Variants in NPM1 observed in about 807,000 individuals in gnomAD.
NPM1 encodes the protein nucleophosmin.
In NPM1, 1 loss-of-function variant was observed where a neutral mutation model predicts 44.1. That is an observed-to-expected ratio of 0.02 (90% CI 0.01 to 0.11). NPM1 has a LOEUF of 0.11. Among genes scored for constraint, NPM1 ranks in the 10% least tolerant of loss-of-function variants. The pLI is 1.00. For missense variants in NPM1, 197 were observed against 347.8 expected (o/e 0.57, Z 3.45); for synonymous variants, 126 against 111.8 (o/e 1.13, Z -0.80).
rs180887715 is a variant in NPM1, at chr5:171,387,885, T to A, written c.-64T>A. 2 of 1,509,242 alleles carry A rather than the reference T, an allele frequency of 1.3e-6. No homozygotes were observed. Among genetic ancestry groups the A allele is most frequent in the Non-Finnish European group, 1.8e-6 (2 of 1,087,296 alleles). 93.5% of individuals were successfully genotyped at this position (1,509,242 alleles called of 1,614,324 possible). A position where few individuals can be genotyped will look rare whatever the true frequency, so the allele number is the denominator to read the frequency against. ...GTGATTCCGTCCTGCGCGGTTGTTC[T>A]CTGGAGCAGCGTTCTTTTATCTCCG... On this transcript the variant is annotated 5_prime_UTR_variant, in exon 1 of 11. Transcript: ENST00000296930.
intron 6 of NPM1, among the ~76,000 whole-genome samples, chr5:171,398,942 C>G (rs930014265): frequency 1.3e-5 from 2 of 151,080 alleles, no homozygotes; most frequent in Non-Finnish European, 3.0e-5. Flanking sequence ...TCACTGCAAC[C>G]TCCGCCTCCT....
At chr5:171,393,306 T>C (rs1017453070) in intron 6 of NPM1, among the ~76,000 whole-genome samples, 1 of 152,240 alleles carries the variant, frequency 6.6e-6, no homozygotes, top group African/African-American at 2.4e-5. Flanking sequence ...GTATGTTTTA[T>C]GGTGAGCAGT....
At chr5:171,406,758 T>C (rs1312436679) in intron 9 of NPM1, 1 of 1,075,138 alleles carries the variant, frequency 9.3e-7, no homozygotes, top group East Asian at 4.7e-5. Flanking sequence ...AATTTTGAAA[T>C]GGAAATTGTG....
chr5:171,405,042 A>AT, intron 8 of NPM1, among the ~76,000 whole-genome samples: 1 of 152,208 alleles, frequency 6.6e-6, no homozygotes, highest in Admixed American at 6.5e-5. Flanking sequence ...GGCTTAAGCA[A>AT]TCCTCCTGCC....
chr5:171,387,705 G>A (rs977765696), upstream of NPM1: 2 of 558,208 alleles, frequency 3.6e-6, no homozygotes, highest in Admixed American at 3.2e-5. Context: ...GGGCGAGGTA[G>A]AAAGGAGTGG....
At chr5:171,391,871 C>A in intron 4 of NPM1, 72 bp downstream of exon 4, 2 of 862,680 alleles carry the variant, frequency 2.3e-6, no homozygotes, top group Non-Finnish European at 3.8e-6. Flanking sequence ...CCAGTTTGGA[C>A]TTAAAGCATG....
At chr5:171,393,206 CTT>C (rs1021873711) in intron 6 of NPM1, among the ~76,000 whole-genome samples, 1 of 152,302 alleles carries the variant, frequency 6.6e-6, no homozygotes, top group African/African-American at 2.4e-5. Context: ...ACTTGTGACT[CTT>C]CAGAAGGGTA....
intron 2 of NPM1, among the ~76,000 whole-genome samples, chr5:171,390,657 A>G (rs758460236): frequency 1.4e-4 from 21 of 152,288 alleles, no homozygotes; most frequent in Non-Finnish European, 2.4e-4. Flanking sequence ...CTGCTGGGTC[A>G]ACAGATGGAT....
In NPM1 at chr5:171,396,912, G is replaced by T. The variant is rs569830479; in HGVS notation, c.525-3241G>T. 4.6e-5 allele frequency among the ~76,000 whole-genome samples: 7 copies of T among 152,258 alleles called. No homozygotes were observed. In the South Asian group the frequency reaches 1.0e-3, roughly 23 times the overall value. On this transcript the variant is annotated intron_variant, in intron 6 of 10. Transcript: ENST00000296930. ...TGCTTGAACCCGGGAGGCGGAGGTT[G>T]CAGTGAGCCGAGATCGCACCATTGC...
intron 2 of NPM1, 182 bp from the exon 3 acceptor site, chr5:171,391,123 A>G (rs1029031266): frequency 1.1e-5 from 7 of 644,802 alleles, no homozygotes; most frequent in South Asian, 2.0e-5. Flanking sequence ...GTAGTAGGCT[A>G]TACCATCTAG....
In NPM1 at chr5:171,400,945, C is replaced by T. The variant is rs781716850; in HGVS notation, c.669+20C>T. 1.9e-5 allele frequency: 28 copies of T among 1,498,336 alleles called. No individual in the cohort carries two copies. Among genetic ancestry groups the T allele is most frequent in the Middle Eastern group, 1.7e-4 (1 of 5,870 alleles). 92.8% of individuals were successfully genotyped at this position (1,498,336 alleles called of 1,614,324 possible). A position where few individuals can be genotyped will look rare whatever the true frequency, so the allele number is the denominator to read the frequency against. ...TCAAAAGTAAGTGGCTACATTTACA[C>T]GTGGGTCTCATTGATCTAGTTGGGG... On this transcript the variant is annotated intron_variant, in intron 8 of 10. Transcript: ENST00000296930.
At chr5:171,404,114 A>C (rs1257121822) in intron 8 of NPM1, among the ~76,000 whole-genome samples, 1 of 55,480 alleles carries the variant, frequency 1.8e-5, no homozygotes. Flanking sequence ...CCCGGACGGC[A>C]CGGCTGGCCA....
chr5:171,395,466 A>C (rs931277658), intron 6 of NPM1, among the ~76,000 whole-genome samples: 5 of 152,050 alleles, frequency 3.3e-5, no homozygotes, highest in African/African-American at 1.2e-4. Context: ...CGCCTGGCTA[A>C]GTTTTGTATT....
Position 171,404,938 on chromosome 5 carries a change from C to CT in NPM1, c.670-353dup, listed in dbSNP as rs549282227. Among the ~76,000 whole-genome samples, 1,218 of 148,034 alleles carry CT rather than the reference C, an allele frequency of 8.2e-3. 7 individuals carry two copies. The highest frequency in any genetic ancestry group is 0.012 in the South Asian group (57 of 4,668). On this transcript the variant is annotated intron_variant, in intron 8 of 10. Coordinates refer to ENST00000296930, the MANE Select transcript of NPM1 (RefSeq NM_002520.7). Reference sequence around the variant, plus strand: ...CATAAAAGCAAACTCCCAAGTTACTCTTTTTTTTTTTATTTAAAGAGATGG... The same window carrying CT: ...CATAAAAGCAAACTCCCAAGTTACTCTTTTTTTTTTTTATTTAAAGAGATGG...
chr5:171,393,113 G>A (rs935002958), intron 6 of NPM1, 135 bp downstream of exon 6: 2 of 1,152,356 alleles, frequency 1.7e-6, no homozygotes, highest in South Asian at 3.2e-5. Context: ...ATAATAAAAG[G>A]GCAGGTGGTC....
chr5:171,400,936 A>G lies in NPM1; in HGVS notation c.669+11A>G, dbSNP rs199814240. 1.0e-5 allele frequency: 16 copies of G among 1,545,954 alleles called. No homozygotes were observed. The highest frequency in any genetic ancestry group is 3.3e-5 in the Admixed American group (2 of 59,864). ...ACACCAAGATCAAAAGTAAGTGGCT[A>G]CATTTACACGTGGGTCTCATTGATC... is the stretch of plus-strand genomic sequence containing the variant. On this transcript the variant is annotated intron_variant, in intron 8 of 10. Coordinates refer to ENST00000296930, the MANE Select transcript of NPM1 (RefSeq NM_002520.7).
intron 6 of NPM1, among the ~76,000 whole-genome samples, chr5:171,399,056 C>A (rs919200782): frequency 6.6e-6 from 1 of 152,116 alleles, no homozygotes; most frequent in African/African-American, 2.4e-5. Context: ...TCCCCATTAG[C>A]CAGGCTGGTC....
At chr5:171,401,003 T>A in intron 8 of NPM1, 78 bp downstream of exon 8, 1 of 1,041,202 alleles carries the variant, frequency 9.6e-7, no homozygotes, top group East Asian at 2.4e-5. Flanking sequence ...ATCTAGTGTG[T>A]CTGAAATTTG....
At chr5:171,400,589 T>C (rs1382204176) in intron 7 of NPM1, among the ~76,000 whole-genome samples, 1 of 151,774 alleles carries the variant, frequency 6.6e-6, no homozygotes, top group East Asian at 1.9e-4. Flanking sequence ...CCTGAGTAGC[T>C]GGAATTACAG....
Sources: allele counts gnomAD v4.1 joint callset (sites outside exome capture counted in the v4.1 genomes callset), GRCh38; gene constraint gnomAD v4.1.1; transcripts MANE v1.5; gene names NCBI Gene and HGNC (gene_info 2026-07-23, HGNC 2026-07-21).